WWOX: variants seen among roughly 807,000 people sequenced by gnomAD.
WWOX encodes the protein WW domain-containing oxidoreductase.
In WWOX, 69 loss-of-function variants were observed where a neutral mutation model predicts 46.2. That is an observed-to-expected ratio of 1.49 (90% CI 1.23 to 1.82). The LOEUF (loss-of-function observed/expected upper bound fraction) is 1.82. WWOX is among the 40% of genes most tolerant of loss of function. The pLI, the probability that WWOX is intolerant of heterozygous loss-of-function variation, is 0.00. For missense variants in WWOX, 919 were observed against 542.6 expected, an observed-to-expected ratio of 1.69 and a Z score of -6.89; for synonymous variants, 359 against 202.6, an observed-to-expected ratio of 1.77 and a Z score of -6.56.
At chr16:78,971,722 CG>C (rs2046474642) in intron 8 of WWOX, among the ~76,000 whole-genome samples, 1 of 151,512 alleles carries the variant, frequency 6.6e-6, no homozygotes, top group African/African-American at 2.4e-5. Flanking sequence ...CCCCCCACCC[CG>C]ATCCCCACCC....
intron 8 of WWOX, among the ~76,000 whole-genome samples, chr16:78,783,980 A>G (rs941357968): frequency 6.6e-6 from 1 of 151,896 alleles, no homozygotes; most frequent in African/African-American, 2.4e-5. Context: ...GATGATAATG[A>G]TAGTGGTGAT....
chr16:78,611,360 G>C (rs559671655), intron 8 of WWOX, among the ~76,000 whole-genome samples: 3 of 152,202 alleles, frequency 2.0e-5, no homozygotes, highest in African/African-American at 7.2e-5. Context: ...AGGAGGTTGA[G>C]GATGGGGCTG....
intron 8 of WWOX, among the ~76,000 whole-genome samples, chr16:78,547,214 A>C (rs2044061685): frequency 6.7e-6 from 1 of 149,796 alleles, no homozygotes; most frequent in Non-Finnish European, 1.5e-5. Flanking sequence ...GGATAGGGTG[A>C]GATGAACATT....
At chr16:79,118,283 C>A (rs555740325) in intron 8 of WWOX, among the ~76,000 whole-genome samples, 8 of 152,232 alleles carry the variant, frequency 5.3e-5, no homozygotes, top group African/African-American at 1.7e-4. Context: ...GTTGCTGGAG[C>A]CAGTGTGGTA....
chr16:78,991,772 T>C (rs566147256), intron 8 of WWOX, among the ~76,000 whole-genome samples: 1 of 152,176 alleles, frequency 6.6e-6, no homozygotes, highest in Non-Finnish European at 1.5e-5. Context: ...GCTTAACACA[T>C]TTCCGTGTTC....
intron 8 of WWOX, among the ~76,000 whole-genome samples, chr16:79,113,059 G>A (rs1205992981): frequency 6.6e-6 from 1 of 152,276 alleles, no homozygotes; most frequent in Admixed American, 6.5e-5. Flanking sequence ...GAACGGCACA[G>A]TCATGGTACC....
At chr16:78,725,976 CCTT>C (rs1412631561) in intron 8 of WWOX, among the ~76,000 whole-genome samples, 56 of 150,482 alleles carry the variant, frequency 3.7e-4, no homozygotes, top group African/African-American at 1.3e-3. Context: ...TTCTCCTCCT[CCTT>C]CTCCTTCTCC....
chr16:78,380,623 A>G (rs1046073074), intron 5 of WWOX, among the ~76,000 whole-genome samples: 2 of 152,164 alleles, frequency 1.3e-5, no homozygotes, highest in Admixed American at 1.3e-4. Context: ...TGATAAAACA[A>G]TACATAATCA....
intron 8 of WWOX, among the ~76,000 whole-genome samples, chr16:79,011,649 T>C (rs1212283719): frequency 2.0e-5 from 3 of 151,694 alleles, no homozygotes; most frequent in Non-Finnish European, 4.4e-5. Context: ...TGTGCCACCA[T>C]AGCCAGCTAT....
intron 8 of WWOX, among the ~76,000 whole-genome samples, chr16:78,605,882 A>C (rs187151350): frequency 6.6e-6 from 1 of 152,244 alleles, no homozygotes; most frequent in Non-Finnish European, 1.5e-5. Context: ...TGGCCCTATA[A>C]TTAATATGCA....
chr16:79,187,109 G>C (rs546225046), intron 8 of WWOX, among the ~76,000 whole-genome samples: 3 of 152,192 alleles, frequency 2.0e-5, no homozygotes, highest in Non-Finnish European at 4.4e-5. Flanking sequence ...GAAAATCATA[G>C]ACACTGAGCC....
In WWOX at chr16:78,454,116, C is replaced by G. The variant is rs180964833; in HGVS notation, c.1056+21364C>G. On this transcript the variant is annotated intron_variant, in intron 8 of 8. Transcript: ENST00000566780. ...TCCCCAGCAAGCCTCTTCCAGTATT[C>G]TAGAGTTTCTCGTTTCTTGAGGATT... is the stretch of plus-strand genomic sequence containing the variant. Among the ~76,000 whole-genome samples, 298 of 152,266 alleles carry G rather than the reference C, an allele frequency of 2.0e-3. 2 individuals carry two copies. The highest frequency in any genetic ancestry group is 7.0e-3 in the African/African-American group (290 of 41,550).
chr16:78,786,466 T>G (rs2050458650), intron 8 of WWOX, among the ~76,000 whole-genome samples: 1 of 152,180 alleles, frequency 6.6e-6, no homozygotes, highest in African/African-American at 2.4e-5. Flanking sequence ...AATTTAGAAG[T>G]CATGAGTTTT....
At chr16:78,393,331 G>C (rs1567545864) in intron 6 of WWOX, among the ~76,000 whole-genome samples, 1 of 152,182 alleles carries the variant, frequency 6.6e-6, no homozygotes, top group Non-Finnish European at 1.5e-5. Context: ...AGCTCCTAGA[G>C]AGAGGTGCTC....
In WWOX at chr16:78,629,184, C is replaced by T. The variant is rs946556938; in HGVS notation, c.1056+196432C>T. On this transcript the variant is annotated intron_variant, in intron 8 of 8. Coordinates refer to ENST00000566780, the MANE Select transcript of WWOX (RefSeq NM_016373.4). ...ATGTTGGAGTTTTCCCTTTGGGGTTCTTATGCCATTTTAAAGACTCTGAAA... is the reference window on the plus strand; with the variant it reads ...ATGTTGGAGTTTTCCCTTTGGGGTTTTTATGCCATTTTAAAGACTCTGAAA... 1.1e-4 allele frequency among the ~76,000 whole-genome samples: 16 copies of T among 151,672 alleles called. No individual in the cohort carries two copies. The East Asian group carries it at 2.9e-3, about 28-fold the overall frequency.
At chr16:78,441,946 A>G (rs1426287188) in intron 8 of WWOX, among the ~76,000 whole-genome samples, 2 of 147,504 alleles carry the variant, frequency 1.4e-5, no homozygotes, top group African/African-American at 2.6e-5. Flanking sequence ...CAAAAATTTC[A>G]TATATGCGCA....
chr16:78,895,689 C>T (rs916363920), intron 8 of WWOX: 1 of 152,164 alleles, frequency 6.6e-6, no homozygotes, highest in Non-Finnish European at 1.5e-5. Flanking sequence ...TATTATCTTG[C>T]CCATTGATCT....
chr16:78,532,275 T>C (rs1425073193), intron 8 of WWOX, among the ~76,000 whole-genome samples: 1 of 147,720 alleles, frequency 6.8e-6, no homozygotes, highest in Non-Finnish European at 1.5e-5. Flanking sequence ...AGGAGTTGGG[T>C]GGTGGTGGGG....
intron 8 of WWOX, among the ~76,000 whole-genome samples, chr16:79,120,013 C>T (rs1417851814): frequency 2.6e-5 from 4 of 152,168 alleles, no homozygotes; most frequent in African/African-American, 7.2e-5. Context: ...AACATAACCA[C>T]ACAGCCCAGT....
Sources: allele counts gnomAD v4.1 joint callset (sites outside exome capture counted in the v4.1 genomes callset), GRCh38; gene constraint gnomAD v4.1.1; transcripts MANE v1.5; gene names NCBI Gene and HGNC (gene_info 2026-07-23, HGNC 2026-07-21).